Variants in EDNRB observed in about 807,000 individuals in gnomAD.
EDNRB encodes Hirschsprung disease 2.
A neutral mutation model predicts 46.4 loss-of-function variants in EDNRB; 18 were observed. The observed-to-expected ratio is 0.39, with a 90% CI of 0.27 to 0.57. The LOEUF is 0.57. Ranked by LOEUF, EDNRB falls within the 20% of genes least tolerant of loss-of-function variation. EDNRB has a pLI of 0.61. For missense variants in EDNRB, 434 were observed against 537.5 expected, an observed-to-expected ratio of 0.81 and a Z score of 1.90; for synonymous variants, 213 against 204.9, an observed-to-expected ratio of 1.04 and a Z score of -0.34.
intron 1 of EDNRB, among the ~76,000 whole-genome samples, chr13:77,912,303 A>T (rs1879611778): frequency 6.6e-6 from 1 of 152,050 alleles, no homozygotes; most frequent in Non-Finnish European, 1.5e-5. Context: ...CACACACAAG[A>T]AATACCATCA....
chr13:77,920,689 A>G (rs1409358995), upstream of EDNRB, among the ~76,000 whole-genome samples: 2 of 152,258 alleles, frequency 1.3e-5, no homozygotes, highest in Non-Finnish European at 2.9e-5. Context: ...AATATGGTCT[A>G]GGGTTGTGAG....
At chr13:77,928,773 A>G (rs933491012) in intron 1 of EDNRB, among the ~76,000 whole-genome samples, 1 of 152,200 alleles carries the variant, frequency 6.6e-6, no homozygotes. Context: ...CTCTAGGGAT[A>G]AGAAGCAAAG....
At chr13:77,903,417 G>A in intron 2 of EDNRB, 57 bp from the exon 3 acceptor site, 1 of 1,609,856 alleles carries the variant, frequency 6.2e-7, no homozygotes, top group Non-Finnish European at 8.5e-7. Flanking sequence ...TTATTGAATT[G>A]CACAGTTTAT....
chr13:77,895,537 T>C lies in EDNRB; in HGVS notation c.*2663A>G, dbSNP rs1878575310. 6.6e-6 allele frequency: 1 copy of C among 152,070 alleles called. No individual in the cohort carries two copies. The highest frequency in any genetic ancestry group is 1.5e-5 in the Non-Finnish European group (1 of 67,980). 9.4% of individuals were successfully genotyped at this position (152,070 alleles called of 1,614,324 possible). A position where few individuals can be genotyped will look rare whatever the true frequency, so the allele number is the denominator to read the frequency against. ...AATAACTTCATACTTGCTTGATAATTGTATATTTAACATAAATAATGTCCA... is the reference window on the plus strand; with the variant it reads ...AATAACTTCATACTTGCTTGATAATCGTATATTTAACATAAATAATGTCCA... On this transcript the variant is annotated 3_prime_UTR_variant, in exon 7 of 7. Coordinates refer to ENST00000646607, the MANE Select transcript of EDNRB (RefSeq NM_001122659.3).
chr13:77,939,656 C>T (rs1366561279), intron 1 of EDNRB: 2 of 152,158 alleles, frequency 1.3e-5, no homozygotes, highest in South Asian at 2.1e-4. Flanking sequence ...ATATCTGATT[C>T]TCTTTCCTAG....
intron 1 of EDNRB, among the ~76,000 whole-genome samples, chr13:77,950,303 G>T (rs1395285760): frequency 7.9e-5 from 12 of 152,202 alleles, no homozygotes; most frequent in Admixed American, 1.3e-4. Flanking sequence ...GTGGACAAAG[G>T]TTTCCCTTTG....
At chr13:77,974,626 CT>C (rs1472947475) in intron 1 of EDNRB, among the ~76,000 whole-genome samples, 58 of 127,884 alleles carry the variant, frequency 4.5e-4, no homozygotes, top group African/African-American at 1.9e-3. Context: ...CTCTCTCTCT[CT>C]CTCTCTCTGC....
At chr13:77,972,206 A>G (rs1566344488) in intron 1 of EDNRB, among the ~76,000 whole-genome samples, 1 of 152,212 alleles carries the variant, frequency 6.6e-6, no homozygotes, top group Non-Finnish European at 1.5e-5. Flanking sequence ...GCTACCATGC[A>G]GCCTACGCCT....
chr13:77,947,755 C>A (rs73550338), intron 1 of EDNRB: 25,989 of 151,424 alleles, frequency 0.17, 2,688 homozygotes, highest in East Asian at 0.53. Context: ...ACTATATGTG[C>A]GTACCACCAC....
chr13:77,919,705 C>T (rs545587795), upstream of EDNRB: 21 of 1,311,526 alleles, frequency 1.6e-5, no homozygotes, highest in Non-Finnish European at 2.2e-5. Context: ...TGGACAGCAT[C>T]AGTAGTAGTT....
At chr13:77,914,304 C>A (rs979753138) in intron 1 of EDNRB, among the ~76,000 whole-genome samples, 1 of 152,192 alleles carries the variant, frequency 6.6e-6, no homozygotes, top group African/African-American at 2.4e-5. Context: ...CATACACACA[C>A]ATACACACAT....
intron 1 of EDNRB, among the ~76,000 whole-genome samples, chr13:77,949,857 C>T (rs576812460): frequency 6.6e-6 from 1 of 152,244 alleles, no homozygotes; most frequent in Non-Finnish European, 1.5e-5. Context: ...GAGAAACTTC[C>T]TTAACCTTCC....
intron 1 of EDNRB, chr13:77,945,012 G>C (rs1459835796): frequency 6.6e-6 from 1 of 152,116 alleles, no homozygotes; most frequent in South Asian, 2.1e-4. Flanking sequence ...AATCTTGGAG[G>C]GGGTGTAGCT....
At chr13:77,955,239 T>A (rs1257454284) in intron 1 of EDNRB, among the ~76,000 whole-genome samples, 2 of 152,220 alleles carry the variant, frequency 1.3e-5, no homozygotes, top group African/African-American at 4.8e-5. Flanking sequence ...AGGTTGAGAA[T>A]CTTTTCATAT....
chr13:77,919,433 T>G (rs747637580), upstream of EDNRB: 7 of 1,612,604 alleles, frequency 4.3e-6, no homozygotes, highest in South Asian at 6.6e-5. Context: ...GAGCGACGAA[T>G]GGAGACCACC....
In EDNRB at chr13:77,896,493, T is replaced by C. The variant is rs1282157018; in HGVS notation, c.*1707A>G. On this transcript the variant is annotated 3_prime_UTR_variant, in exon 7 of 7. Coordinates refer to ENST00000646607, the MANE Select transcript of EDNRB (RefSeq NM_001122659.3). ...GCCACATTGTTGGGTTTTGGTTTACTGTACCATCACATTCAATATTGACAG... is the reference window on the plus strand; with the variant it reads ...GCCACATTGTTGGGTTTTGGTTTACCGTACCATCACATTCAATATTGACAG... 1 of 1,582,588 alleles carries C rather than the reference T, an allele frequency of 6.3e-7. No individual in the cohort carries two copies. Among genetic ancestry groups the C allele is most frequent in the Admixed American group, 1.8e-5 (1 of 57,066 alleles).
intron 1 of EDNRB, among the ~76,000 whole-genome samples, chr13:77,967,399 C>T (rs1881611661): frequency 6.6e-6 from 1 of 152,134 alleles, no homozygotes; most frequent in Non-Finnish European, 1.5e-5. Flanking sequence ...TTCTTTAAAC[C>T]CTGAATTTCC....
chr13:77,968,057 AC>A (rs1881629656), intron 1 of EDNRB, among the ~76,000 whole-genome samples: 1 of 152,332 alleles, frequency 6.6e-6, no homozygotes, highest in South Asian at 2.1e-4. Flanking sequence ...CTGAACTCTG[AC>A]AAAAGATTTC....
At chr13:77,903,432 T>C (rs1397594185) in intron 2 of EDNRB, 63 bp downstream of exon 2, 1 of 1,609,660 alleles carries the variant, frequency 6.2e-7, no homozygotes, top group African/African-American at 1.3e-5. Flanking sequence ...GTTTATTTTC[T>C]AAGTAACATG....
Sources: allele counts gnomAD v4.1 joint callset (sites outside exome capture counted in the v4.1 genomes callset), GRCh38; gene constraint gnomAD v4.1.1; transcripts MANE v1.5; gene names NCBI Gene and HGNC (gene_info 2026-07-23, HGNC 2026-07-21).